AK7: variants seen among roughly 807,000 people sequenced by gnomAD.
AK7 encodes the protein ATP-AMP transphosphorylase 7.
In AK7, 78 loss-of-function variants were observed where a neutral mutation model predicts 96.6. The observed-to-expected ratio is 0.81, with a 90% CI of 0.67 to 0.97. The LOEUF (loss-of-function observed/expected upper bound fraction) is 0.97. Among genes scored for constraint, AK7 ranks in the 50% least tolerant of loss-of-function variants. AK7 has a pLI of 0.00. For missense variants in AK7, 855 were observed against 887.9 expected (o/e 0.96, Z 0.47); for synonymous variants, 302 against 317.2 (o/e 0.95, Z 0.51).
intron 10 of AK7, 105 bp from the exon 11 acceptor site, chr14:96,456,242 A>C: frequency 5.6e-6 from 1 of 178,150 alleles, no homozygotes; most frequent in Non-Finnish European, 8.3e-6. Flanking sequence ...CTGTCTCAAA[A>C]AAAAAAAAAA....
At chr14:96,451,624 C>T (rs1893611556) in intron 10 of AK7, 54 bp downstream of exon 10, 2 of 1,366,986 alleles carry the variant, frequency 1.5e-6, no homozygotes, top group East Asian at 5.4e-5. Flanking sequence ...ATGAATCAAA[C>T]TTCTAGTGTG....
At chr14:96,400,679 C>T (rs907839475) in intron 2 of AK7, among the ~76,000 whole-genome samples, 2 of 152,198 alleles carry the variant, frequency 1.3e-5, no homozygotes, top group African/African-American at 4.8e-5. Flanking sequence ...CAGAAGGTCT[C>T]AGAGAAAGGA....
intron 1 of AK7, among the ~76,000 whole-genome samples, chr14:96,392,937 C>T (rs1201821458): frequency 6.6e-6 from 1 of 152,040 alleles, no homozygotes; most frequent in East Asian, 1.9e-4. Context: ...AATTACAGGC[C>T]GAGTAAATCC....
chr14:96,423,356 A>T (rs1325896876), intron 5 of AK7, among the ~76,000 whole-genome samples: 1 of 152,194 alleles, frequency 6.6e-6, no homozygotes, highest in Non-Finnish European at 1.5e-5. Context: ...AGATTCTTTG[A>T]TGCTTTGCTC....
At chr14:96,413,551 A>C (rs969120065) in intron 4 of AK7, among the ~76,000 whole-genome samples, 4 of 152,028 alleles carry the variant, frequency 2.6e-5, no homozygotes, top group African/African-American at 9.7e-5. Context: ...TTGCCTGCCC[A>C]CTCAACACGT....
chr14:96,434,904 T>C (rs931426043), intron 5 of AK7, among the ~76,000 whole-genome samples: 1 of 152,182 alleles, frequency 6.6e-6, no homozygotes, highest in African/African-American at 2.4e-5. Context: ...AGACTAGTGC[T>C]GATGTTCCCT....
In AK7 at chr14:96,489,366, C is replaced by T. The variant is rs1162545174; in HGVS notation, c.*1023C>T. On this transcript the variant is annotated 3_prime_UTR_variant, in exon 18 of 18. Coordinates refer to ENST00000267584, the MANE Select transcript of AK7 (RefSeq NM_152327.5). The stretch of plus-strand genomic sequence containing the variant: ...CCCTCCCCCCAGTTCCAGGCAACCA[C>T]GAATCTGCTTTCTGTCTCTATGGAT... 1 of 152,168 alleles carries T rather than the reference C, an allele frequency of 6.6e-6. No homozygotes were observed. Among genetic ancestry groups the T allele is most frequent in the Admixed American group, 6.6e-5 (1 of 15,256 alleles). The allele number at this position is 152,168 out of a possible 1,614,324, so 9.4% of individuals were successfully genotyped here.
At chr14:96,456,550 A>T in intron 11 of AK7, 75 bp downstream of exon 11, 4 of 1,526,410 alleles carry the variant, frequency 2.6e-6, no homozygotes, top group Non-Finnish European at 2.7e-6. Flanking sequence ...GATGTATATG[A>T]TTCGAATTAG....
In AK7 at chr14:96,483,120, T is replaced by C. The variant is rs978374853; in HGVS notation, c.1875T>C (p.Ala625=). 6.8e-6 allele frequency: 11 copies of C among 1,614,140 alleles called. No homozygotes were observed. The Admixed American group carries it at 1.8e-4, about 27-fold the overall frequency. The change falls in exon 16 of 18, where the codon GCT becomes GCC. Residue 625 remains alanine (A), a synonymous_variant. Coordinates refer to ENST00000267584, the MANE Select transcript of AK7 (RefSeq NM_152327.5). ...AAAAGGCAGAAGAGGAGCGGAAGGC[T>C]GCGGAGGAGCGGCTGGCCAGGGAGG... ...DEEKAEEERK[A]AEERLAREAA... is the part of the protein sequence containing the mutation.
Position 96,488,256 on chromosome 14 carries a change from G to A in AK7, c.2134-49G>A, listed in dbSNP as rs765540735. ...GTAAACATTACTAATACAAATACAT[G>A]ACTAATAATAACTTGTAAACTGTTG... On this transcript the variant is annotated intron_variant, in intron 17 of 17. Transcript: ENST00000267584. The A allele has an allele frequency of 2.0e-6, 3 of 1,515,564 alleles. No homozygotes were observed. In the South Asian group the frequency reaches 3.4e-5, roughly 17 times the overall value. 93.9% of individuals were successfully genotyped at this position (1,515,564 alleles called of 1,614,324 possible). A position where few individuals can be genotyped will look rare whatever the true frequency, so the allele number is the denominator to read the frequency against.
intron 11 of AK7, among the ~76,000 whole-genome samples, chr14:96,457,359 C>G (rs1359676088): frequency 6.6e-6 from 1 of 152,146 alleles, no homozygotes; most frequent in African/African-American, 2.4e-5. Context: ...CCGTGCCAAG[C>G]CTGAAATGGC....
intron 5 of AK7, among the ~76,000 whole-genome samples, chr14:96,424,427 C>G (rs1432618603): frequency 6.6e-6 from 1 of 152,250 alleles, no homozygotes; most frequent in Non-Finnish European, 1.5e-5. Flanking sequence ...ATGTCATCTT[C>G]AAGAGTCTCA....
intron 12 of AK7, among the ~76,000 whole-genome samples, chr14:96,469,927 C>A (rs1388675158): frequency 6.6e-6 from 1 of 152,138 alleles, no homozygotes; most frequent in Non-Finnish European, 1.5e-5. Flanking sequence ...AAGCGATTCT[C>A]CTGCCTTAGC....
intron 9 of AK7, 74 bp from the exon 10 acceptor site, chr14:96,451,347 A>AGTGAT: frequency 7.8e-7 from 1 of 1,281,202 alleles, no homozygotes; most frequent in East Asian, 2.5e-5. Context: ...TAATAACTGT[A>AGTGAT]GTGATTTTGG....
chr14:96,461,274 C>T (rs965428260), intron 12 of AK7, among the ~76,000 whole-genome samples: 7 of 152,060 alleles, frequency 4.6e-5, no homozygotes, highest in African/African-American at 1.4e-4. Context: ...CATAGCAAGA[C>T]CCCCCATGTC....
intron 12 of AK7, among the ~76,000 whole-genome samples, chr14:96,462,573 G>A (rs906476678): frequency 2.0e-5 from 3 of 152,180 alleles, no homozygotes; most frequent in Admixed American, 6.5e-5. Context: ...TTACACCATA[G>A]AGTGTGCTAA....
At chr14:96,463,261 G>C (rs768957073) in intron 12 of AK7, among the ~76,000 whole-genome samples, 1 of 152,082 alleles carries the variant, frequency 6.6e-6, no homozygotes, top group African/African-American at 2.4e-5. Flanking sequence ...GTTGAGACTC[G>C]CTGTTTCACA....
At chr14:96,478,282 G>C (rs1366889718) in intron 14 of AK7, among the ~76,000 whole-genome samples, 183 bp from the exon 15 acceptor site, 1 of 152,128 alleles carries the variant, frequency 6.6e-6, no homozygotes, top group Non-Finnish European at 1.5e-5. Context: ...TCATAGGGTG[G>C]TCTCTGGAAA....
At chr14:96,465,644 G>T (rs868317351) in intron 12 of AK7, among the ~76,000 whole-genome samples, 17 of 152,210 alleles carry the variant, frequency 1.1e-4, no homozygotes, top group African/African-American at 3.6e-4. Flanking sequence ...ATTATTTTAT[G>T]TAAAAGGATT....
Sources: allele counts gnomAD v4.1 joint callset (sites outside exome capture counted in the v4.1 genomes callset), GRCh38; gene constraint gnomAD v4.1.1; transcripts MANE v1.5; gene names NCBI Gene and HGNC (gene_info 2026-07-23, HGNC 2026-07-21).